SNX2: variants seen among roughly 807,000 people sequenced by gnomAD.
SNX2 encodes the protein sorting nexin 2, also known as sorting nexin-2.
In SNX2, 25 loss-of-function variants were observed where a neutral mutation model predicts 69.9. That is an observed-to-expected ratio of 0.36 (90% confidence interval 0.26 to 0.50). The LOEUF (loss-of-function observed/expected upper bound fraction) is 0.50. Ranked by LOEUF, SNX2 falls within the 20% of genes least tolerant of loss-of-function variation. The probability of loss-of-function intolerance (pLI) is 0.97; values close to 1 mark genes in which losing one functional copy is unlikely to be tolerated. For synonymous variants in SNX2, 229 were observed against 200.4 expected (o/e 1.14, Z -1.20); for missense variants, 551 against 613.3 (o/e 0.90, Z 1.07).
chr5:122,777,517 A>G (rs1752881954), intron 1 of SNX2, among the ~76,000 whole-genome samples: 2 of 152,214 alleles, frequency 1.3e-5, no homozygotes, highest in African/African-American at 4.8e-5. Context: ...AACTTAAAGT[A>G]AGTCAGAGTT....
At chr5:122,787,828 C>T (rs34718272) in intron 1 of SNX2, among the ~76,000 whole-genome samples, 2 of 151,882 alleles carry the variant, frequency 1.3e-5, no homozygotes, top group East Asian at 3.9e-4. Context: ...GCAATATGAA[C>T]TTTCAGTTAT....
chr5:122,799,456 G>C (rs1210383986), intron 2 of SNX2, among the ~76,000 whole-genome samples: 1 of 152,092 alleles, frequency 6.6e-6, no homozygotes, highest in Admixed American at 6.6e-5. Flanking sequence ...CCTACCACTA[G>C]TATAATTAAG....
intron 6 of SNX2, among the ~76,000 whole-genome samples, chr5:122,807,008 G>A (rs947649528): frequency 7.2e-5 from 11 of 152,170 alleles, no homozygotes; most frequent in African/African-American, 2.2e-4. Flanking sequence ...TGTCTAGGTC[G>A]GGTGTGGTAG....
intron 11 of SNX2, among the ~76,000 whole-genome samples, chr5:122,821,099 A>G (rs1754012397): frequency 6.6e-6 from 1 of 152,150 alleles, no homozygotes; most frequent in Non-Finnish European, 1.5e-5. Flanking sequence ...GTGACAGGTA[A>G]TTTTTATGGT....
At chr5:122,811,083 A>G (rs1460369322) in intron 7 of SNX2, among the ~76,000 whole-genome samples, 6 of 152,198 alleles carry the variant, frequency 3.9e-5, no homozygotes, top group African/African-American at 1.4e-4. Context: ...GGGATACCCA[A>G]CCCAGTTGGA....
At chr5:122,793,034 A>G (rs1007756682) in intron 1 of SNX2, among the ~76,000 whole-genome samples, 1 of 152,206 alleles carries the variant, frequency 6.6e-6, no homozygotes, top group Non-Finnish European at 1.5e-5. Flanking sequence ...GGAGTGTAAA[A>G]TTATACAACC....
At chr5:122,791,119 A>AT (rs71623268) in intron 1 of SNX2, among the ~76,000 whole-genome samples, 28,881 of 129,606 alleles carry the variant, frequency 0.22, 3,586 homozygotes, top group East Asian at 0.41. Flanking sequence ...GGCTATTTCA[A>AT]TTTTTTTTTT....
intron 6 of SNX2, among the ~76,000 whole-genome samples, chr5:122,805,933 A>G (rs1029385453): frequency 6.6e-6 from 1 of 151,872 alleles, no homozygotes; most frequent in Non-Finnish European, 1.5e-5. Flanking sequence ...GGCGCCCGCC[A>G]CCACGCACAG....
intron 1 of SNX2, among the ~76,000 whole-genome samples, chr5:122,787,860 G>A (rs1753128467): frequency 6.6e-6 from 1 of 152,094 alleles, no homozygotes; most frequent in Non-Finnish European, 1.5e-5. Flanking sequence ...ATTATATGTT[G>A]CAAATAGTTT....
intron 1 of SNX2, among the ~76,000 whole-genome samples, chr5:122,791,798 A>C (rs1753247255): frequency 6.6e-6 from 1 of 152,220 alleles, no homozygotes; most frequent in Non-Finnish European, 1.5e-5. Flanking sequence ...ATTTTCTTAA[A>C]ACTCAGTTAA....
intron 1 of SNX2, among the ~76,000 whole-genome samples, chr5:122,792,039 A>G (rs1017545144): frequency 2.0e-5 from 3 of 152,244 alleles, no homozygotes; most frequent in Admixed American, 6.5e-5. Context: ...TTCAGAGGAA[A>G]TAATACACAA....
intron 11 of SNX2, among the ~76,000 whole-genome samples, chr5:122,825,685 C>T (rs933891725): frequency 2.0e-5 from 3 of 151,848 alleles, no homozygotes; most frequent in South Asian, 2.1e-4. Flanking sequence ...TATTATTTAG[C>T]GGGAAAATTT....
rs149089570 is a variant in SNX2, at chr5:122,831,809, T to C, written c.*2161T>C. Among the ~76,000 whole-genome samples, 82 of 152,306 alleles carry C rather than the reference T, an allele frequency of 5.4e-4. No individual in the cohort carries two copies. Among genetic ancestry groups the C allele is most frequent in the African/African-American group, 1.8e-3 (75 of 41,580 alleles). On this transcript the variant is annotated 3_prime_UTR_variant, in exon 15 of 15. Transcript: ENST00000379516. ...AAATCTTCCATTCAGATGTGGTACA[T>C]TAGAATATTCAGTACCTCCAAGTAA...
At chr5:122,814,236 AT>A (rs1753849290) in intron 7 of SNX2, among the ~76,000 whole-genome samples, 2 of 152,202 alleles carry the variant, frequency 1.3e-5, no homozygotes. Flanking sequence ...AACTTATCTG[AT>A]ATATTGTGAG....
chr5:122,818,040 T>G (rs1274462083), intron 10 of SNX2, among the ~76,000 whole-genome samples: 1 of 152,116 alleles, frequency 6.6e-6, no homozygotes, highest in Non-Finnish European at 1.5e-5. Context: ...TACATTTTAT[T>G]AAAATAATTA....
At chr5:122,794,541 T>A (rs908654583) in intron 1 of SNX2, among the ~76,000 whole-genome samples, 5 of 152,350 alleles carry the variant, frequency 3.3e-5, no homozygotes, top group African/African-American at 9.6e-5. Context: ...TGTTTGGGCA[T>A]ATCTGCCCCC....
chr5:122,802,828 T>C (rs140596289), intron 5 of SNX2, among the ~76,000 whole-genome samples: 3 of 152,282 alleles, frequency 2.0e-5, no homozygotes, highest in Non-Finnish European at 2.9e-5. Context: ...TCTTGAGTTA[T>C]GTAGGCGGTA....
chr5:122,785,375 T>C (rs1231072353), intron 1 of SNX2, among the ~76,000 whole-genome samples: 1 of 151,956 alleles, frequency 6.6e-6, no homozygotes, highest in Non-Finnish European at 1.5e-5. Flanking sequence ...CTTGAACTCC[T>C]GGCCCCAAGT....
chr5:122,805,749 A>C (rs1397143678), intron 6 of SNX2, among the ~76,000 whole-genome samples: 1 of 152,098 alleles, frequency 6.6e-6, no homozygotes, highest in East Asian at 1.9e-4. Context: ...CACCCAACTG[A>C]AATACATTTA....
Sources: allele counts gnomAD v4.1 joint callset (sites outside exome capture counted in the v4.1 genomes callset), GRCh38; gene constraint gnomAD v4.1.1; transcripts MANE v1.5; gene names NCBI Gene and HGNC (gene_info 2026-07-23, HGNC 2026-07-21).